CFAP92: variants seen among roughly 807,000 people sequenced by gnomAD.
CFAP92 encodes the protein cilia and flagella associated protein 92 (putative), also known as uncharacterized protein CFAP92.
Under a neutral mutation model 106.3 loss-of-function variants are expected in CFAP92, and 86 were observed. The ratio of observed to expected loss-of-function variants is 0.81; its 90% CI spans 0.68 to 0.97. The LOEUF (loss-of-function observed/expected upper bound fraction) is 0.97, where lower values mean the gene tolerates loss of function less well. Among genes scored for constraint, CFAP92 ranks in the 50% least tolerant of loss-of-function variants. The pLI, the probability that CFAP92 is intolerant of heterozygous loss-of-function variation, is 0.00. For synonymous variants in CFAP92, 477 were observed against 506.4 expected (o/e 0.94, Z 0.78); for missense variants, 1,204 against 1,283.8 (o/e 0.94, Z 0.95).
intron 15 of CFAP92, chr3:128,914,827 T>C (rs1559843716): frequency 2.6e-6 from 1 of 391,890 alleles, no homozygotes; most frequent in East Asian, 4.9e-5. Flanking sequence ...AGGAAGCCTT[T>C]AGACCTGTCT....
chr3:128,939,789 G>C (rs1939446729), intron 10 of CFAP92, among the ~76,000 whole-genome samples: 1 of 152,290 alleles, frequency 6.6e-6, no homozygotes, highest in East Asian at 1.9e-4. Context: ...CCAGGCATTA[G>C]ATTCTCATAA....
chr3:128,963,413 T>C (rs938091589), intron 9 of CFAP92, among the ~76,000 whole-genome samples: 2 of 152,156 alleles, frequency 1.3e-5, no homozygotes, highest in Non-Finnish European at 2.9e-5. Flanking sequence ...CAACTCACTC[T>C]CTACATTTCC....
intron 15 of CFAP92, among the ~76,000 whole-genome samples, chr3:128,911,509 C>T (rs1936317142): frequency 6.6e-6 from 1 of 152,180 alleles, no homozygotes; most frequent in Admixed American, 6.5e-5. Context: ...ATGATCTTGG[C>T]TCACTGCAAC....
intron 9 of CFAP92, among the ~76,000 whole-genome samples, chr3:128,961,705 G>T: frequency 6.6e-6 from 1 of 152,158 alleles, no homozygotes; most frequent in East Asian, 1.9e-4. Flanking sequence ...GACCCTAAAA[G>T]GTCAAAAGGC....
In CFAP92 at chr3:128,915,322, A is replaced by T. The variant is rs1936719698; in HGVS notation, c.3123+35T>A. The T allele has an allele frequency of 6.5e-6, 10 of 1,535,826 alleles. No homozygotes were observed. The East Asian group carries it at 2.4e-4, about 38-fold the overall frequency. On this transcript the variant is annotated intron_variant, in intron 14 of 15. Transcript: ENST00000645291. Reference sequence around the variant, plus strand: ...ATCAGGAGGAGAAAGGTCCCTATGGACACCCCACCTGAGACCCTGCTCTTC... The same window carrying T: ...ATCAGGAGGAGAAAGGTCCCTATGGTCACCCCACCTGAGACCCTGCTCTTC...
intron 9 of CFAP92, among the ~76,000 whole-genome samples, chr3:128,961,367 C>T (rs1217426821): frequency 6.6e-6 from 1 of 152,132 alleles, no homozygotes; most frequent in Admixed American, 6.6e-5. Context: ...TCTAATCTTC[C>T]TTTTCTACAG....
the CFAP92 span, among the ~76,000 whole-genome samples, chr3:129,013,244 G>T: frequency 1.3e-5 from 2 of 151,784 alleles, no homozygotes; most frequent in Admixed American, 6.6e-5. Flanking sequence ...GTGGTCTTGT[G>T]TAGAAAAAAA....
chr3:128,944,788 C>T (rs1375334771), intron 10 of CFAP92, among the ~76,000 whole-genome samples: 1 of 152,186 alleles, frequency 6.6e-6, no homozygotes, highest in East Asian at 1.9e-4. Flanking sequence ...GAATATTCTG[C>T]TCCTGTTTAG....
At chr3:128,971,252 C>A in intron 8 of CFAP92, 35 bp downstream of exon 8, 1 of 1,613,426 alleles carries the variant, frequency 6.2e-7, no homozygotes, top group Non-Finnish European at 8.5e-7. Flanking sequence ...ACAAGACAAG[C>A]AGGAGCTGCT....
the CFAP92 span, among the ~76,000 whole-genome samples, chr3:129,011,911 A>G: frequency 2.6e-5 from 4 of 152,228 alleles, no homozygotes; most frequent in Non-Finnish European, 5.9e-5. Context: ...AGAAGGAAGG[A>G]GCCTAGACAG....
In CFAP92 at chr3:128,932,807, G is replaced by A. The variant is rs1392279237; in HGVS notation, c.2644C>T (p.Arg882Trp). ...PAPNLEDYHS[R>W]NSTLTLEIHA... is the part of the protein sequence containing the mutation. ...ATCTCTAAGGTGAGGGTGGAGTTCC[G>A]ACTGTGGTAGTCCTCAAGATTGGGG... is the stretch of plus-strand genomic sequence containing the variant. Residue 882 changes from arginine (R) to tryptophan (W), a missense_variant, in exon 12 of 16, where the codon CGG becomes TGG. Coordinates refer to ENST00000645291, the MANE Select transcript of CFAP92 (RefSeq NM_001394090.1). 5.9e-6 allele frequency: 9 copies of A among 1,536,206 alleles called. No homozygotes were observed. The South Asian group carries it at 7.1e-5, about 12-fold the overall frequency.
At chr3:129,002,276 C>A in intron 1 of CFAP92, 3 of 1,530,128 alleles carry the variant, frequency 2.0e-6, no homozygotes, top group East Asian at 2.5e-5. Flanking sequence ...TGGTGGAGGA[C>A]CTGCGCGCCG....
At chr3:128,912,427 GA>G in intron 15 of CFAP92, 13 of 1,349,650 alleles carry the variant, frequency 9.6e-6, no homozygotes, top group Non-Finnish European at 9.4e-6. Context: ...TGACTTTGTG[GA>G]AAAATGCCCC....
At position 128,978,061 on chromosome 3, in the gene CFAP92, G is replaced by T; in HGVS notation, c.792C>A (p.His264Gln). 1.9e-6 allele frequency: 3 copies of T among 1,613,982 alleles called. No homozygotes were observed. Among genetic ancestry groups the T allele is most frequent in the Non-Finnish European group, 2.5e-6 (3 of 1,179,878 alleles). Residue 264 changes from histidine (H) to glutamine (Q), a missense_variant, in exon 5 of 16, where the codon CAC becomes CAA. His to Gln is a conservative substitution (Grantham distance 24). Coordinates refer to ENST00000645291, the MANE Select transcript of CFAP92 (RefSeq NM_001394090.1). The stretch of plus-strand genomic sequence containing the variant: ...TCCGCTCACCTTGCAAAGACTTTGG[G>T]TGTTTTTCTGTTTTTTCTTGTTTTC... ...PPGKQEKTEK[H>Q]PKSLQGSHQA...
At chr3:128,916,415 T>C (rs1416839070) in intron 12 of CFAP92, 144 bp from the exon 13 acceptor site, 5 of 594,402 alleles carry the variant, frequency 8.4e-6, no homozygotes, top group Middle Eastern at 5.0e-4. Flanking sequence ...TATTTCATCA[T>C]AGAACCAGGG....
chr3:128,988,792 G>T lies in CFAP92; in HGVS notation c.389C>A (p.Pro130His). The change falls in exon 3 of 16, where the codon CCT (proline) becomes CAT (histidine). Residue 130 changes from proline to histidine, a missense_variant. Physicochemically the swap from Pro to His is moderately conservative, Grantham distance 77. Transcript: ENST00000645291. ...AAATAGCAATATGTCAACTTTTTTAGGTTCTTCATCGTCCGGCAGAAGGAA... is the reference window on the plus strand; with the variant it reads ...AAATAGCAATATGTCAACTTTTTTATGTTCTTCATCGTCCGGCAGAAGGAA... Reference protein sequence around the residue: ...EYFLLPDDEEPKKVDILLFPM... With the variant: ...EYFLLPDDEEHKKVDILLFPM... 1 of 1,613,966 alleles carries T rather than the reference G, an allele frequency of 6.2e-7. No homozygotes were observed. The highest frequency in any genetic ancestry group is 8.5e-7 in the Non-Finnish European group (1 of 1,179,878).
At chr3:128,928,937 A>G (rs180976447) in intron 12 of CFAP92, among the ~76,000 whole-genome samples, 1 of 152,310 alleles carries the variant, frequency 6.6e-6, no homozygotes, top group African/African-American at 2.4e-5. Flanking sequence ...TCAACAATAA[A>G]AAGACAACTT....
At chr3:128,925,127 C>T (rs1201089212) in intron 12 of CFAP92, among the ~76,000 whole-genome samples, 4 of 152,256 alleles carry the variant, frequency 2.6e-5, no homozygotes, top group Non-Finnish European at 4.4e-5. Context: ...CAGTTTCCAA[C>T]CTTTTTGGCA....
Position 128,993,299 on chromosome 3 carries a change from C to T in CFAP92, c.6G>A (p.Ser2=). M[S]LHAWEWEEDP... ...CCTCTTCCCACTCCCAGGCATGTAG[C>T]GACATGCTGCAGAGCGCACTGCTGG... is the stretch of plus-strand genomic sequence containing the variant. Residue 2 remains serine (S), a synonymous_variant, in exon 2 of 16, where the codon TCG becomes TCA. Transcript: ENST00000645291. 1.2e-6 allele frequency: 2 copies of T among 1,612,854 alleles called. No homozygotes were observed. The highest frequency in any genetic ancestry group is 8.5e-7 in the Non-Finnish European group (1 of 1,179,622).
Sources: gnomAD v4.1 joint callset for allele counts (sites outside exome capture counted in the v4.1 genomes callset) on GRCh38, gnomAD v4.1.1 for gene constraint, MANE v1.5 for transcripts, NCBI Gene and HGNC (gene_info 2026-07-23, HGNC 2026-07-21) for gene names.